GRB2: variants seen among roughly 807,000 people sequenced by gnomAD.
The protein encoded by GRB2 is growth factor receptor bound protein 2, also known as growth factor receptor-bound protein 2.
A neutral mutation model predicts 27.4 loss-of-function variants in GRB2; 2 were observed. The observed-to-expected ratio is 0.07, with a 90% CI of 0.03 to 0.23. The LOEUF (loss-of-function observed/expected upper bound fraction) is 0.23. Ranked by LOEUF, GRB2 falls within the 10% of genes least tolerant of loss-of-function variation. The pLI is 1.00. For synonymous variants in GRB2, 94 were observed against 99.6 expected (o/e 0.94, Z 0.33); for missense variants, 102 against 282.4 (o/e 0.36, Z 4.58).
At chr17:75,345,292 C>T (rs2078648060) in intron 2 of GRB2, among the ~76,000 whole-genome samples, 1 of 151,804 alleles carries the variant, frequency 6.6e-6, no homozygotes, top group Non-Finnish European at 1.5e-5. Flanking sequence ...GATCCGCCAA[C>T]CTCAGCCTCC....
intron 1 of GRB2, chr17:75,404,711 G>C (rs1406841294): frequency 6.6e-6 from 1 of 152,118 alleles, no homozygotes; most frequent in Non-Finnish European, 1.5e-5. Context: ...CTGACATTTC[G>C]GAAAGTCAAC....
Position 75,320,640 on chromosome 17 carries a change from C to T in GRB2, c.469-87G>A, listed in dbSNP as rs61757948. On this transcript the variant is annotated intron_variant, in intron 5 of 5. Coordinates refer to ENST00000316804, the MANE Select transcript of GRB2 (RefSeq NM_002086.5). This position sits in a 1 kb window ranked among gnomAD's most constrained non-coding sequence, Gnocchi z 4.3. ...AGGCCAGATGGGTTCCAGGGGGAAACGAATGCGTGCCAAATTCTCCATGTT... is the reference window on the plus strand; with the variant it reads ...AGGCCAGATGGGTTCCAGGGGGAAATGAATGCGTGCCAAATTCTCCATGTT... 19 of 901,058 alleles carry T rather than the reference C, an allele frequency of 2.1e-5. No individual in the cohort carries two copies. Among genetic ancestry groups the T allele is most frequent in the African/African-American group, 8.3e-5 (5 of 60,392 alleles). The allele number at this position is 901,058 out of a possible 1,614,324, so 55.8% of individuals were successfully genotyped here.
chr17:75,377,507 C>A (rs529080714), intron 2 of GRB2, among the ~76,000 whole-genome samples: 34 of 150,140 alleles, frequency 2.3e-4, no homozygotes, highest in Non-Finnish European at 4.0e-4. Context: ...GCTGTCCCAG[C>A]TACTCGGGAG....
chr17:75,343,878 A>G (rs146274370), intron 2 of GRB2, among the ~76,000 whole-genome samples: 1 of 152,096 alleles, frequency 6.6e-6, no homozygotes, highest in African/African-American at 2.4e-5. Flanking sequence ...CACAGAGATC[A>G]AGAGGTTTCA....
At chr17:75,361,597 G>A (rs1031980037) in intron 2 of GRB2, among the ~76,000 whole-genome samples, 1 of 151,920 alleles carries the variant, frequency 6.6e-6, no homozygotes, top group Non-Finnish European at 1.5e-5. Flanking sequence ...TACCAAATAT[G>A]GTATGAGGGA....
At chr17:75,360,466 G>C (rs2078772619) in intron 2 of GRB2, among the ~76,000 whole-genome samples, 1 of 152,138 alleles carries the variant, frequency 6.6e-6, no homozygotes, top group South Asian at 2.1e-4. Context: ...ACAAATACAA[G>C]CAAGGTAATT....
At chr17:75,366,865 A>C (rs1438306989) in intron 2 of GRB2, among the ~76,000 whole-genome samples, 1 of 152,146 alleles carries the variant, frequency 6.6e-6, no homozygotes, top group East Asian at 1.9e-4. Flanking sequence ...AAGCCAATGA[A>C]AACGAAAAAT....
intron 2 of GRB2, among the ~76,000 whole-genome samples, chr17:75,375,668 G>A (rs905259357): frequency 6.6e-6 from 1 of 151,728 alleles, no homozygotes; most frequent in African/African-American, 2.4e-5. Context: ...GATTAACTGA[G>A]GCTAGGAGTT....
intron 2 of GRB2, among the ~76,000 whole-genome samples, chr17:75,346,578 C>CTTTTTTTTTTT (rs775027742): frequency 5.8e-5 from 4 of 68,720 alleles, no homozygotes; most frequent in African/African-American, 6.3e-5. Flanking sequence ...CTTTTCTTGC[C>CTTTTTTTTTTT]TTTTTTTTTT....
At chr17:75,349,673 C>A (rs1032588664) in intron 2 of GRB2, among the ~76,000 whole-genome samples, 1 of 152,048 alleles carries the variant, frequency 6.6e-6, no homozygotes, top group African/African-American at 2.4e-5. Context: ...GCGCCCACCA[C>A]CACGCCTGGC....
At chr17:75,375,821 C>A (rs559359289) in intron 2 of GRB2, among the ~76,000 whole-genome samples, 1 of 150,960 alleles carries the variant, frequency 6.6e-6, no homozygotes, top group Non-Finnish European at 1.5e-5. Flanking sequence ...GTCAGGAGAT[C>A]GAGACCATCC....
At chr17:75,349,508 CTT>C (rs36010389) in intron 2 of GRB2, among the ~76,000 whole-genome samples, 20 of 115,890 alleles carry the variant, frequency 1.7e-4, no homozygotes, top group African/African-American at 2.2e-4. Context: ...ATAACTCAGA[CTT>C]TTTTTTTTTT....
chr17:75,326,383 T>C (rs1047127601), intron 3 of GRB2: 5 of 243,622 alleles, frequency 2.1e-5, no homozygotes, highest in Admixed American at 5.0e-5. Flanking sequence ...GTGTACGGGA[T>C]GAACTGCCAA....
intron 2 of GRB2, among the ~76,000 whole-genome samples, chr17:75,360,895 G>A (rs538765383): frequency 6.6e-6 from 1 of 152,214 alleles, no homozygotes; most frequent in African/African-American, 2.4e-5. Flanking sequence ...AGCTTCTGGA[G>A]CAGTCAGGAC....
At chr17:75,321,928 G>T in intron 4 of GRB2, 101 bp from the exon 5 acceptor site, 1 of 1,138,556 alleles carries the variant, frequency 8.8e-7, no homozygotes, top group Non-Finnish European at 1.3e-6. Flanking sequence ...CACTGTCCCA[G>T]CAGCACTCCT....
rs1412669821 is a variant in GRB2 at position 75,399,682 on chromosome 17, A to T, written c.-138+5807T>A. Among the ~76,000 whole-genome samples the T allele has an allele frequency of 8.2e-5, 12 of 147,074 alleles. No homozygotes were observed. In the East Asian group the frequency reaches 1.2e-3, roughly 15 times the overall value. On this transcript the variant is annotated intron_variant, in intron 1 of 5. Transcript: ENST00000316804. ...GCGCCCGACCAACAATTATTTATTT[A>T]TTTTTTTGAGACAGAGTCTCGCTCT...
intron 2 of GRB2, among the ~76,000 whole-genome samples, chr17:75,364,950 A>AT (rs2078809925): frequency 6.6e-6 from 1 of 152,094 alleles, no homozygotes; most frequent in Admixed American, 6.6e-5. Flanking sequence ...AGCATCTCTC[A>AT]TTTTTCAGAA....
At chr17:75,322,867 C>T (rs2078469956) in intron 4 of GRB2, among the ~76,000 whole-genome samples, 1 of 152,162 alleles carries the variant, frequency 6.6e-6, no homozygotes, top group Admixed American at 6.5e-5. Flanking sequence ...TGCCTGTAAT[C>T]CCAGCACTTT....
chr17:75,371,418 T>G (rs1178566263), intron 2 of GRB2: 2 of 152,098 alleles, frequency 1.3e-5, no homozygotes, highest in Non-Finnish European at 2.9e-5. Context: ...ACAAAGAGGA[T>G]ATCAACTATA....
Sources: allele counts gnomAD v4.1 joint callset (sites outside exome capture counted in the v4.1 genomes callset), GRCh38; gene constraint gnomAD v4.1.1; non-coding constraint Gnocchi (gnomAD v3.1); transcripts MANE v1.5; gene names NCBI Gene and HGNC (gene_info 2026-07-23, HGNC 2026-07-21).